The following PARD3 variants were observed in gnomAD, a reference collection of about 807,000 sequenced individuals.
The protein encoded by PARD3 is par-3 family cell polarity regulator, also known as partitioning defective 3 homolog.
A neutral mutation model predicts 155.4 loss-of-function variants in PARD3; 75 were observed. That is an observed-to-expected ratio of 0.48 (90% confidence interval 0.40 to 0.58). The LOEUF (loss-of-function observed/expected upper bound fraction) is 0.58, where lower values mean the gene tolerates loss of function less well. Among genes scored for constraint, PARD3 ranks in the 20% least tolerant of loss-of-function variants. The probability of loss-of-function intolerance (pLI) is 0.00; values close to 1 mark genes in which losing one functional copy is unlikely to be tolerated. For synonymous variants in PARD3, 576 were observed against 610.5 expected (o/e 0.94, Z 0.83); for missense variants, 1,642 against 1,721.7 (o/e 0.95, Z 0.82).
intron 2 of PARD3, among the ~76,000 whole-genome samples, chr10:34,605,658 C>CTATATATATATATATCTCCTA (rs373595822): frequency 2.3e-5 from 1 of 42,596 alleles, no homozygotes; most frequent in African/African-American, 1.2e-4. Context: ...TATATATCTC[C>CTATATATATATATATCTCCTA]TATATATATA....
intron 5 of PARD3, among the ~76,000 whole-genome samples, chr10:34,448,196 A>C (rs2132750124): frequency 1.3e-5 from 2 of 152,082 alleles, no homozygotes; most frequent in South Asian, 4.2e-4. Flanking sequence ...AATATTATTC[A>C]GCCTTTAATA....
chr10:34,421,725 G>A (rs1398002189), intron 5 of PARD3, among the ~76,000 whole-genome samples: 2 of 152,150 alleles, frequency 1.3e-5, no homozygotes, highest in Non-Finnish European at 2.9e-5. Context: ...TAAAACAGAT[G>A]AGTGAACAAA....
chr10:34,444,763 T>A (rs561673455), intron 5 of PARD3, among the ~76,000 whole-genome samples: 2 of 152,172 alleles, frequency 1.3e-5, no homozygotes, highest in East Asian at 3.8e-4. Flanking sequence ...GTAGGACCAA[T>A]ACCACCCAAA....
intron 22 of PARD3, among the ~76,000 whole-genome samples, chr10:34,188,334 A>G (rs1220547258): frequency 2.0e-5 from 3 of 152,216 alleles, no homozygotes; most frequent in East Asian, 3.8e-4. Flanking sequence ...TCTGAATATT[A>G]TATTGATCTA....
chr10:34,371,948 T>A (rs1012036786), intron 12 of PARD3, among the ~76,000 whole-genome samples: 6 of 152,116 alleles, frequency 3.9e-5, no homozygotes, highest in Non-Finnish European at 7.4e-5. Flanking sequence ...TCAGGACTTG[T>A]TTTCTTAACA....
intron 1 of PARD3, among the ~76,000 whole-genome samples, chr10:34,791,880 C>T (rs2134250017): frequency 6.6e-6 from 1 of 152,112 alleles, no homozygotes; most frequent in Non-Finnish European, 1.5e-5. Context: ...TGCCTGAGAC[C>T]CTTCCCAGGG....
At chr10:34,176,452 A>C (rs1950035815) in intron 22 of PARD3, among the ~76,000 whole-genome samples, 1 of 152,244 alleles carries the variant, frequency 6.6e-6, no homozygotes, top group African/African-American at 2.4e-5. Flanking sequence ...TTGTTTATTG[A>C]GAGACAGCCT....
intron 3 of PARD3, among the ~76,000 whole-genome samples, chr10:34,495,869 G>A (rs1244729010): frequency 6.6e-6 from 1 of 151,564 alleles, no homozygotes; most frequent in Non-Finnish European, 1.5e-5. Context: ...TGAACCGTGA[G>A]GATGTGGCCC....
chr10:34,718,492 T>C (rs528325991), intron 1 of PARD3, among the ~76,000 whole-genome samples: 26 of 151,662 alleles, frequency 1.7e-4, no homozygotes, highest in Middle Eastern at 3.4e-3. Context: ...AGACCACGTC[T>C]CCACAAAAGG....
intron 22 of PARD3, among the ~76,000 whole-genome samples, chr10:34,150,019 G>A (rs1564434097): frequency 6.6e-6 from 1 of 152,196 alleles, no homozygotes; most frequent in Non-Finnish European, 1.5e-5. Context: ...TGGAAATAAG[G>A]TGGTCTTAAC....
intron 2 of PARD3, among the ~76,000 whole-genome samples, chr10:34,656,930 A>G (rs2093183929): frequency 6.6e-6 from 1 of 152,190 alleles, no homozygotes; most frequent in Non-Finnish European, 1.5e-5. Context: ...TGATGTAAAC[A>G]TGTTGTGAGG....
rs147172090 is a variant in PARD3, at chr10:34,346,414, C to T, written c.2218+1551G>A. 2.1e-3 allele frequency: 2,861 copies of T among 1,345,480 alleles called. 40 individuals are homozygous for T. The African/African-American group carries it at 0.037, about 17-fold the overall frequency. The allele number at this position is 1,345,480 out of a possible 1,614,324, so 83.3% of individuals were successfully genotyped here. The stretch of plus-strand genomic sequence containing the variant: ...GACGCAGGTTACAGGAACTGGTGGA[C>T]CAATGGTCTGATTCAGTATGGCAAG... On this transcript the variant is annotated intron_variant, in intron 15 of 24. Coordinates refer to ENST00000374788, the MANE Select transcript of PARD3 (RefSeq NM_001184785.2).
At chr10:34,617,909 G>A (rs921170363) in intron 2 of PARD3, among the ~76,000 whole-genome samples, 9 of 152,134 alleles carry the variant, frequency 5.9e-5, no homozygotes, top group Non-Finnish European at 1.0e-4. Flanking sequence ...AAAACTGTGA[G>A]AGAGAAAACT....
At chr10:34,182,404 TTA>T (rs545727427) in intron 22 of PARD3, among the ~76,000 whole-genome samples, 25 of 152,302 alleles carry the variant, frequency 1.6e-4, no homozygotes, top group African/African-American at 5.8e-4. Context: ...GACTTACACT[TTA>T]GTAGAGATGT....
At chr10:34,428,147 A>G (rs2075719801) in intron 5 of PARD3, among the ~76,000 whole-genome samples, 1 of 152,206 alleles carries the variant, frequency 6.6e-6, no homozygotes, top group Admixed American at 6.5e-5. Context: ...ACAAACCTCC[A>G]GCATTTCCCC....
intron 1 of PARD3, among the ~76,000 whole-genome samples, chr10:34,803,544 A>ACT (rs962023817): frequency 4.5e-4 from 68 of 152,282 alleles, no homozygotes; most frequent in African/African-American, 1.5e-3. Context: ...TCATCTCAGC[A>ACT]CTTTGGGAGG....
intron 1 of PARD3, among the ~76,000 whole-genome samples, chr10:34,706,373 G>A (rs576412880): frequency 5.9e-5 from 9 of 152,228 alleles, no homozygotes; most frequent in South Asian, 2.1e-4. Flanking sequence ...AATCTGAAGC[G>A]TCAGGGTTGC....
intron 2 of PARD3, among the ~76,000 whole-genome samples, chr10:34,664,816 T>C (rs928479533): frequency 1.3e-5 from 2 of 152,124 alleles, no homozygotes; most frequent in African/African-American, 4.8e-5. Context: ...AAATTAGCAA[T>C]TGCTACAGTC....
chr10:34,380,933 G>A (rs1431092561), intron 9 of PARD3, among the ~76,000 whole-genome samples: 1 of 152,118 alleles, frequency 6.6e-6, no homozygotes, highest in African/African-American at 2.4e-5. Context: ...TGTCATTTAA[G>A]TAGAGCAAAA....
Sources: gnomAD v4.1 joint callset for allele counts (sites outside exome capture counted in the v4.1 genomes callset) on GRCh38, gnomAD v4.1.1 for gene constraint, MANE v1.5 for transcripts, NCBI Gene and HGNC (gene_info 2026-07-23, HGNC 2026-07-21) for gene names.